Variants in RFC2 observed in about 807,000 individuals in gnomAD.
The protein encoded by RFC2 is replication factor C subunit 2.
RFC2 carries 34 observed loss-of-function variants against 44.8 expected under a neutral mutation model. That is an observed-to-expected ratio of 0.76 (90% CI 0.58 to 1.01). The LOEUF (loss-of-function observed/expected upper bound fraction) is 1.01, where lower values mean the gene tolerates loss of function less well. Among genes scored for constraint, RFC2 ranks in the 50% least tolerant of loss-of-function variants. The pLI, the probability that RFC2 is intolerant of heterozygous loss-of-function variation, is 0.00. For synonymous variants in RFC2, 177 were observed against 168.9 expected, an observed-to-expected ratio of 1.05 and a Z score of -0.37; for missense variants, 400 against 453.6, an observed-to-expected ratio of 0.88 and a Z score of 1.07.
At chr7:74,252,383 G>A (rs1322781931) in intron 2 of RFC2, 46 bp downstream of exon 2, 7 of 1,092,220 alleles carry the variant, frequency 6.4e-6, no homozygotes, top group African/African-American at 1.6e-5. Flanking sequence ...CTCCAGCCTG[G>A]GCGACAGAGC....
At chr7:74,245,336 T>C (rs1803534825) in intron 5 of RFC2, among the ~76,000 whole-genome samples, 1 of 151,958 alleles carries the variant, frequency 6.6e-6, no homozygotes, top group African/African-American at 2.4e-5. Context: ...TCTTCATTTA[T>C]ACCAACCGAA....
chr7:74,238,867 C>A lies in RFC2; in HGVS notation c.759+56G>T, dbSNP rs1402637403. ...CAGCCCAGCCCTTCAGCCCCACTGG[C>A]CCCCACAGGGAAGCACGGCTTCTGC... On this transcript the variant is annotated intron_variant, in intron 8 of 10. Transcript: ENST00000055077. This position sits in a 1 kb window ranked among gnomAD's most constrained non-coding sequence, Gnocchi z 4.0. 7.0e-7 allele frequency: 1 copy of A among 1,427,192 alleles called. No homozygotes were observed. Among genetic ancestry groups the A allele is most frequent in the African/African-American group, 1.4e-5 (1 of 71,212 alleles). The allele number at this position is 1,427,192 out of a possible 1,614,324, so 88.4% of individuals were successfully genotyped here.
At chr7:74,232,706 A>C (rs1554717416) in intron 10 of RFC2, among the ~76,000 whole-genome samples, 1 of 152,110 alleles carries the variant, frequency 6.6e-6, no homozygotes, top group African/African-American at 2.4e-5. Flanking sequence ...CTCTACTAAA[A>C]ATACAAAAAT....
At chr7:74,233,834 C>T (rs1156645056) in intron 10 of RFC2, 1 of 456,332 alleles carries the variant, frequency 2.2e-6, no homozygotes, top group African/African-American at 2.0e-5. Flanking sequence ...GTTGAGGATC[C>T]TCCGGAATGC....
intron 10 of RFC2, among the ~76,000 whole-genome samples, chr7:74,234,476 A>G (rs1466964974): frequency 7.9e-5 from 12 of 152,020 alleles, no homozygotes; most frequent in Admixed American, 7.2e-4. Context: ...AAATCAATCA[A>G]TCAGTCAATA....
chr7:74,233,934 A>G (rs782447574), intron 10 of RFC2: 2 of 455,194 alleles, frequency 4.4e-6, no homozygotes, highest in Non-Finnish European at 8.9e-6. Context: ...TTCCCAGGCA[A>G]TTTCACCCCT....
intron 5 of RFC2, among the ~76,000 whole-genome samples, chr7:74,245,714 C>A (rs868994099): frequency 0.13 from 8,235 of 63,896 alleles, 184 homozygotes; most frequent in Non-Finnish European, 0.18. Context: ...CTCCGTCTCA[C>A]AAAAAAAAAA....
intron 5 of RFC2, among the ~76,000 whole-genome samples, chr7:74,244,271 A>AAAAT (rs1416571572): frequency 6.6e-6 from 1 of 151,870 alleles, no homozygotes; most frequent in Non-Finnish European, 1.5e-5. Context: ...CCACCTCAAA[A>AAAAT]AAATAAATAA....
chr7:74,246,774 G>A lies in RFC2; in HGVS notation c.333-11C>T. 6.3e-7 allele frequency: 1 copy of A among 1,594,740 alleles called. No homozygotes were observed. Among genetic ancestry groups the A allele is most frequent in the Non-Finnish European group, 8.6e-7 (1 of 1,163,860 alleles). The stretch of plus-strand genomic sequence containing the variant: ...ACAACGTCAATGCCCCTGAAAGAAT[G>A]ACAGGTTTTTACTGGCACCTTCTGA... On this transcript the variant is annotated splice_polypyrimidine_tract_variant and intron_variant, in intron 4 of 10. Transcript: ENST00000055077.
intron 3 of RFC2, 54 bp from the exon 4 acceptor site, chr7:74,249,172 G>A (rs1490480024): frequency 1.2e-6 from 2 of 1,611,298 alleles, no homozygotes; most frequent in Non-Finnish European, 1.7e-6. Flanking sequence ...ACCTCAGGTA[G>A]CTCTTGAGTT....
intron 5 of RFC2, among the ~76,000 whole-genome samples, chr7:74,244,432 A>G (rs1271448915): frequency 2.0e-5 from 3 of 151,216 alleles, no homozygotes; most frequent in African/African-American, 7.3e-5. Context: ...AGTTCACTGC[A>G]ACCTCTGTCT....
In RFC2 at chr7:74,232,204, TG is replaced by T; in HGVS notation, c.966del (p.Tyr322Ter). The stretch of plus-strand genomic sequence containing the variant: ...ACTCCTTCCGCTATTTTCATGTGAG[TG>T]TATCCAATTTCCTGAAAAACAAACC... The part of the protein sequence containing the change: ...LKLEFIKEIG[Y>X]THMKIAEGVN... On this transcript the variant is annotated frameshift_variant, in exon 11 of 11. Coordinates refer to ENST00000055077, the MANE Select transcript of RFC2 (RefSeq NM_181471.3). LOFTEE classifies it high-confidence loss of function. The T allele has an allele frequency of 6.2e-7, 1 of 1,604,472 alleles. No homozygotes were observed. Among genetic ancestry groups the T allele is most frequent in the African/African-American group, 1.3e-5 (1 of 74,864 alleles).
rs1205777625 is a variant in RFC2, at chr7:74,249,882, A to C, written c.184-102T>G. 8.9e-6 allele frequency: 9 copies of C among 1,005,602 alleles called. No individual in the cohort carries two copies. The African/African-American group carries it at 1.4e-4, about 16-fold the overall frequency. The allele number at this position is 1,005,602 out of a possible 1,614,324, so 62.3% of individuals were successfully genotyped here. A position where few individuals can be genotyped will look rare whatever the true frequency, so the allele number is the denominator to read the frequency against. ...AAACAAGCAGGTTAAAACTCGGCTG[A>C]GCACAATGGCTCAGGCCTGTAATCC... On this transcript the variant is annotated intron_variant, in intron 2 of 10. Coordinates refer to ENST00000055077, the MANE Select transcript of RFC2 (RefSeq NM_181471.3).
In RFC2 at chr7:74,254,300, G is replaced by A. The variant is rs782707479; in HGVS notation, c.84C>T (p.Pro28=). 1 of 1,611,878 alleles carries A rather than the reference G, an allele frequency of 6.2e-7. No homozygotes were observed. The highest frequency in any genetic ancestry group is 1.3e-5 in the African/African-American group (1 of 74,974). The part of the protein sequence containing the change: ...SDPAPAFSKA[P]GSAGHYELPW... Reference sequence around the variant, plus strand: ...GCAGTTCGTAGTGGCCGGCGCTGCCGGGGGCCTTGCTGAAGGCAGGGGCAG... The same window carrying A: ...GCAGTTCGTAGTGGCCGGCGCTGCCAGGGGCCTTGCTGAAGGCAGGGGCAG... Residue 28 remains proline, a synonymous_variant, in exon 1 of 11, where the codon CCC becomes CCT. Coordinates refer to ENST00000055077, the MANE Select transcript of RFC2 (RefSeq NM_181471.3).
rs1486184704 is a variant in RFC2, at chr7:74,251,941, CAA to C, written c.183+486_183+487del. Among the ~76,000 whole-genome samples the C allele has an allele frequency of 5.0e-5, 6 of 119,864 alleles. No individual in the cohort carries two copies. In the East Asian group the frequency reaches 7.7e-4, roughly 15 times the overall value. The allele number at this position is 119,864 out of a possible 152,430, so 78.6% of individuals were successfully genotyped here. On this transcript the variant is annotated intron_variant, in intron 2 of 10. Transcript: ENST00000055077. Reference sequence around the variant, plus strand: ...TGAAACCCCATCTCTACTAAAAATACAAAAAAAATTAGCCAGGCATGGTGGCG... The same window carrying C: ...TGAAACCCCATCTCTACTAAAAATACAAAAAATTAGCCAGGCATGGTGGCG...
intron 6 of RFC2, among the ~76,000 whole-genome samples, chr7:74,242,766 A>AT (rs1803405626): frequency 6.6e-6 from 1 of 150,802 alleles, no homozygotes; most frequent in South Asian, 2.1e-4. Context: ...AAAAAAAAAA[A>AT]AAAAAAATTA....
chr7:74,251,649 T>A (rs1786961087), intron 2 of RFC2, among the ~76,000 whole-genome samples: 1 of 139,926 alleles, frequency 7.1e-6, no homozygotes, highest in Non-Finnish European at 1.6e-5. Flanking sequence ...AATAAAAAAA[T>A]TAGCCAGGCG....
chr7:74,249,061 C>T lies in RFC2; in HGVS notation c.283G>A (p.Gly95Ser), dbSNP rs782177243. The change falls in exon 4 of 11, where the codon GGC (glycine) becomes AGC (serine). Residue 95 changes from glycine to serine, a missense_variant. Coordinates refer to ENST00000055077, the MANE Select transcript of RFC2 (RefSeq NM_181471.3). ...SILCLARALL[G>S]PALKDAMLEL... is the part of the protein sequence containing the mutation. ...AACATGGCATCTTTGAGTGCTGGGC[C>T]CAGCAGGGCCCGGGCCAAGCACAGA... is the stretch of plus-strand genomic sequence containing the variant. 6.2e-7 allele frequency: 1 copy of T among 1,614,046 alleles called. No homozygotes were observed. Among genetic ancestry groups the T allele is most frequent in the Non-Finnish European group, 8.5e-7 (1 of 1,180,004 alleles).
intron 5 of RFC2, 97 bp from the exon 6 acceptor site, chr7:74,243,343 G>T (rs1039158322): frequency 2.5e-6 from 2 of 788,980 alleles, no homozygotes; most frequent in South Asian, 3.0e-5. Flanking sequence ...CACATCCAAT[G>T]TCCTAAATGA....
Sources: gnomAD v4.1 joint callset for allele counts (sites outside exome capture counted in the v4.1 genomes callset) on GRCh38, gnomAD v4.1.1 for gene constraint, Gnocchi (gnomAD v3.1) non-coding constraint, MANE v1.5 for transcripts, NCBI Gene and HGNC (gene_info 2026-07-23, HGNC 2026-07-21) for gene names.